PAK5: variants seen among roughly 807,000 people sequenced by gnomAD.
PAK5 encodes p21 (RAC1) activated kinase 5.
A neutral mutation model predicts 65.9 loss-of-function variants in PAK5; 16 were observed. That is an observed-to-expected ratio of 0.24 (90% CI 0.16 to 0.37). The LOEUF (loss-of-function observed/expected upper bound fraction) is 0.37. Among genes scored for constraint, PAK5 ranks in the 10% least tolerant of loss-of-function variants. The pLI, the probability that PAK5 is intolerant of heterozygous loss-of-function variation, is 1.00. For missense variants in PAK5, 785 were observed against 903.9 expected (o/e 0.87, Z 1.69); for synonymous variants, 371 against 354.9 (o/e 1.05, Z -0.51).
intron 4 of PAK5, among the ~76,000 whole-genome samples, chr20:9,576,410 G>C (rs559947345): frequency 1.3e-5 from 2 of 152,134 alleles, no homozygotes; most frequent in Non-Finnish European, 2.9e-5. Flanking sequence ...GGTATATTTT[G>C]GTTGTTAGGA....
chr20:9,580,941 T>C lies in PAK5; in HGVS notation c.205-11A>G. ...TCCTCTAACGATTGTCTGGGAATAA[T>C]AGAGGGAATATTGTTTAAAGAAAAT... On this transcript the variant is annotated splice_polypyrimidine_tract_variant and intron_variant, in intron 3 of 9. Transcript: ENST00000353224. 6.5e-7 allele frequency: 1 copy of C among 1,540,640 alleles called. No individual in the cohort carries two copies.
chr20:9,541,162 G>A (rs955364403), intron 9 of PAK5, among the ~76,000 whole-genome samples: 1 of 152,112 alleles, frequency 6.6e-6, no homozygotes, highest in East Asian at 1.9e-4. Flanking sequence ...AAGATTTAGG[G>A]GTGAGGAAGG....
intron 1 of PAK5, among the ~76,000 whole-genome samples, chr20:9,715,557 A>C (rs1969142476): frequency 6.6e-6 from 1 of 152,132 alleles, no homozygotes; most frequent in Non-Finnish European, 1.5e-5. Context: ...TATATACCCA[A>C]AGGATTATAA....
At chr20:9,644,859 T>C (rs2047113081) in intron 2 of PAK5, among the ~76,000 whole-genome samples, 1 of 152,236 alleles carries the variant, frequency 6.6e-6, no homozygotes, top group Non-Finnish European at 1.5e-5. Context: ...GAAATAAATG[T>C]ATGTAATGAA....
At chr20:9,737,927 G>C (rs978592662) in intron 1 of PAK5, among the ~76,000 whole-genome samples, 2 of 152,088 alleles carry the variant, frequency 1.3e-5, no homozygotes, top group Non-Finnish European at 2.9e-5. Flanking sequence ...CAGATCATGA[G>C]GTCAAGAGAT....
chr20:9,795,178 G>T, intron 1 of PAK5, among the ~76,000 whole-genome samples: 1 of 152,080 alleles, frequency 6.6e-6, no homozygotes, highest in Middle Eastern at 3.2e-3. Flanking sequence ...TATAGGCAAA[G>T]AAAAGAAAGA....
chr20:9,747,242 A>G (rs2048519098), intron 1 of PAK5, among the ~76,000 whole-genome samples: 2 of 152,222 alleles, frequency 1.3e-5, no homozygotes. Context: ...TCACAGCCGA[A>G]TTCTACCAGA....
At chr20:9,609,650 G>C (rs754523085) in intron 3 of PAK5, among the ~76,000 whole-genome samples, 8 of 152,184 alleles carry the variant, frequency 5.3e-5, no homozygotes, top group Non-Finnish European at 1.2e-4. Context: ...GGGTGTTTTT[G>C]CATTTGGGCA....
At chr20:9,621,443 T>G (rs1291325178) in intron 3 of PAK5, among the ~76,000 whole-genome samples, 1 of 147,982 alleles carries the variant, frequency 6.8e-6, no homozygotes, top group East Asian at 2.0e-4. Flanking sequence ...AGGCATATCC[T>G]GAAAAATTTT....
chr20:9,621,379 G>A (rs1021111243), intron 3 of PAK5, among the ~76,000 whole-genome samples: 1 of 141,710 alleles, frequency 7.1e-6, no homozygotes, highest in Non-Finnish European at 1.5e-5. Flanking sequence ...TTAAAAAAAT[G>A]TCATTAAGTT....
At chr20:9,722,882 G>A (rs1163424340) in intron 1 of PAK5, among the ~76,000 whole-genome samples, 1 of 151,840 alleles carries the variant, frequency 6.6e-6, no homozygotes, top group Non-Finnish European at 1.5e-5. Context: ...GACTACAGGC[G>A]TGTGCCACCA....
chr20:9,692,376 G>A (rs888868451), intron 2 of PAK5, among the ~76,000 whole-genome samples: 9 of 152,160 alleles, frequency 5.9e-5, no homozygotes, highest in Non-Finnish European at 1.0e-4. Context: ...ATGGGATTCC[G>A]GAGTGTTAAG....
Position 9,814,323 on chromosome 20 carries a change from T to C in PAK5, c.-162+24439A>G, listed in dbSNP as rs1229526107. On this transcript the variant is annotated intron_variant, in intron 1 of 9. Transcript: ENST00000353224. The stretch of plus-strand genomic sequence containing the variant: ...GGTTTTTTAGCTGTTTGAGTCAGTT[T>C]CATCATCAGTGAAATGAGAATGAAA... Among the ~76,000 whole-genome samples the C allele has an allele frequency of 2.0e-5, 3 of 152,182 alleles. No individual in the cohort carries two copies. The East Asian group carries it at 5.8e-4, about 29-fold the overall frequency.
intron 2 of PAK5, among the ~76,000 whole-genome samples, chr20:9,664,153 C>G (rs192713240): frequency 2.8e-4 from 42 of 152,292 alleles, no homozygotes; most frequent in African/African-American, 7.9e-4. Flanking sequence ...GATGACATAT[C>G]AGAATGGTCA....
At chr20:9,583,884 C>G (rs542163524) in intron 3 of PAK5, among the ~76,000 whole-genome samples, 1 of 152,310 alleles carries the variant, frequency 6.6e-6, no homozygotes, top group African/African-American at 2.4e-5. Context: ...AGTCTGGAGC[C>G]TTTCAGCTTG....
intron 1 of PAK5, among the ~76,000 whole-genome samples, chr20:9,714,423 T>C (rs6056818): frequency 0.67 from 101,691 of 151,324 alleles, 34,380 homozygotes; most frequent in East Asian, 0.85. Flanking sequence ...TCTGTAAAAA[T>C]GCAACTACTC....
At chr20:9,669,148 CACAGCAAATATTCAA>C (rs1267772031) in intron 2 of PAK5, among the ~76,000 whole-genome samples, 22 of 152,128 alleles carry the variant, frequency 1.4e-4, no homozygotes, top group Middle Eastern at 3.2e-3. Flanking sequence ...TTAAGACACA[CACAGCAAATATTCAA>C]ACAGTGGGCA....
chr20:9,730,027 GA>G, intron 1 of PAK5, among the ~76,000 whole-genome samples: 1 of 116,732 alleles, frequency 8.6e-6, no homozygotes. Flanking sequence ...GAGAGAGAGA[GA>G]GAGAATTGTC....
intron 1 of PAK5, among the ~76,000 whole-genome samples, chr20:9,802,272 G>A (rs1462997871): frequency 1.3e-5 from 2 of 152,204 alleles, no homozygotes; most frequent in South Asian, 2.1e-4. Context: ...ATCATGTGAG[G>A]TTAGCTAGGT....
Sources: gnomAD v4.1 joint callset for allele counts (sites outside exome capture counted in the v4.1 genomes callset) on GRCh38, gnomAD v4.1.1 for gene constraint, MANE v1.5 for transcripts, NCBI Gene and HGNC (gene_info 2026-07-23, HGNC 2026-07-21) for gene names.